Variants in SLC24A2 observed in about 807,000 individuals in gnomAD.
SLC24A2 encodes the protein sodium/potassium/calcium exchanger 2.
A neutral mutation model predicts 62.0 loss-of-function variants in SLC24A2; 36 were observed. The observed-to-expected ratio is 0.58, with a 90% CI of 0.44 to 0.77. The LOEUF is 0.77. Ranked by LOEUF, SLC24A2 falls within the 30% of genes least tolerant of loss-of-function variation. The pLI is 0.00. For synonymous variants in SLC24A2, 358 were observed against 294.0 expected (o/e 1.22, Z -2.23); for missense variants, 846 against 817.9 (o/e 1.03, Z -0.42).
At chr9:19,823,925 G>T in the SLC24A2 span, among the ~76,000 whole-genome samples, 1 of 152,158 alleles carries the variant, frequency 6.6e-6, no homozygotes, top group African/African-American at 2.4e-5. Flanking sequence ...ATGGGGAAAT[G>T]ATTCCCTATT....
intron 2 of SLC24A2, among the ~76,000 whole-genome samples, chr9:19,714,830 A>G (rs1379288534): frequency 6.6e-6 from 1 of 152,086 alleles, no homozygotes; most frequent in Non-Finnish European, 1.5e-5. Context: ...TATTAACTAT[A>G]GTCTTTATGT....
intron 2 of SLC24A2, among the ~76,000 whole-genome samples, chr9:19,684,557 G>C (rs1211469463): frequency 6.6e-6 from 1 of 152,144 alleles, no homozygotes; most frequent in African/African-American, 2.4e-5. Context: ...GGAAACCCCA[G>C]TCTATCTGAC....
Position 19,777,774 on chromosome 9 carries a change from C to T in SLC24A2, c.930+8163G>A, listed in dbSNP as rs967289730. On this transcript the variant is annotated intron_variant, in intron 2 of 10. Transcript: ENST00000341998. Reference sequence around the variant, plus strand: ...GAGAAGTTCAGAAGAATGCTATATGCGAAAATGTGCATAGTCATCTTTGGA... The same window carrying T: ...GAGAAGTTCAGAAGAATGCTATATGTGAAAATGTGCATAGTCATCTTTGGA... Among the ~76,000 whole-genome samples the T allele has an allele frequency of 4.6e-5, 7 of 151,884 alleles. No individual in the cohort carries two copies. The South Asian group carries it at 6.2e-4, about 14-fold the overall frequency.
intron 2 of SLC24A2, among the ~76,000 whole-genome samples, chr9:19,673,884 T>G (rs964850081): frequency 2.6e-5 from 4 of 152,218 alleles, no homozygotes; most frequent in Admixed American, 2.0e-4. Context: ...TATTGAGATG[T>G]GAGGTACTAT....
chr9:20,261,632 A>T, the SLC24A2 span, among the ~76,000 whole-genome samples: 2 of 151,848 alleles, frequency 1.3e-5, no homozygotes, highest in African/African-American at 2.4e-5. Context: ...TTTAAACCAC[A>T]GTACTATCAT....
chr9:19,847,948 G>A, the SLC24A2 span, among the ~76,000 whole-genome samples: 12 of 152,268 alleles, frequency 7.9e-5, no homozygotes, highest in Admixed American at 3.3e-4. Flanking sequence ...TGGCGGCAGA[G>A]GTTCATCCCA....
the SLC24A2 span, among the ~76,000 whole-genome samples, chr9:20,068,744 A>C: frequency 6.6e-6 from 1 of 152,176 alleles, no homozygotes; most frequent in Non-Finnish European, 1.5e-5. Context: ...TGTCTGCCCA[A>C]ATTAGGGCTG....
chr9:19,978,256 G>C, the SLC24A2 span, among the ~76,000 whole-genome samples: 407 of 152,224 alleles, frequency 2.7e-3, 2 homozygotes, highest in African/African-American at 9.2e-3. Context: ...TGCATCATAT[G>C]ATCATTCAAT....
the SLC24A2 span, chr9:19,895,963 A>G: frequency 6.2e-7 from 1 of 1,609,964 alleles, no homozygotes; most frequent in Non-Finnish European, 8.5e-7. Flanking sequence ...GGAGTCTTGG[A>G]GCATGTAACT....
the SLC24A2 span, among the ~76,000 whole-genome samples, chr9:19,998,768 C>T: frequency 6.6e-6 from 1 of 152,216 alleles, no homozygotes. Flanking sequence ...CTCACTCCTT[C>T]TCCCACCCCT....
At chr9:19,565,188 G>A (rs1443687370) in intron 7 of SLC24A2, among the ~76,000 whole-genome samples, 1 of 152,158 alleles carries the variant, frequency 6.6e-6, no homozygotes, top group Non-Finnish European at 1.5e-5. Flanking sequence ...GTTTGCAGAT[G>A]ACATGATGAT....
chr9:19,747,098 A>C (rs1409011035), intron 2 of SLC24A2, among the ~76,000 whole-genome samples: 1 of 152,194 alleles, frequency 6.6e-6, no homozygotes, highest in Non-Finnish European at 1.5e-5. Flanking sequence ...ACAGAATGAT[A>C]TAATAACCAA....
chr9:20,059,190 A>T, the SLC24A2 span, among the ~76,000 whole-genome samples: 1 of 152,224 alleles, frequency 6.6e-6, no homozygotes, highest in African/African-American at 2.4e-5. Context: ...TGGATTATCC[A>T]GCTTGGCGAG....
At chr9:20,189,741 G>T in the SLC24A2 span, among the ~76,000 whole-genome samples, 3 of 152,188 alleles carry the variant, frequency 2.0e-5, no homozygotes, top group Admixed American at 2.0e-4. Context: ...CACAGCTAAA[G>T]CTACTTTCTC....
chr9:19,659,831 C>T (rs1819045534), intron 2 of SLC24A2, among the ~76,000 whole-genome samples: 1 of 152,042 alleles, frequency 6.6e-6, no homozygotes, highest in Non-Finnish European at 1.5e-5. Flanking sequence ...CCACAAGGGT[C>T]AGGATTTTAA....
At chr9:20,045,937 C>T in the SLC24A2 span, among the ~76,000 whole-genome samples, 3 of 152,058 alleles carry the variant, frequency 2.0e-5, no homozygotes, top group Admixed American at 6.6e-5. Context: ...AGCCACACTC[C>T]CCACATATGG....
the SLC24A2 span, among the ~76,000 whole-genome samples, chr9:19,808,208 G>A: frequency 6.6e-6 from 1 of 152,152 alleles, no homozygotes; most frequent in African/African-American, 2.4e-5. This position sits in a 1 kb window ranked among gnomAD's most constrained non-coding sequence, Gnocchi z 4.1. Flanking sequence ...AATAAAACCA[G>A]TATGGTAGTG....
At chr9:19,574,825 T>A (rs773649233) in intron 6 of SLC24A2, among the ~76,000 whole-genome samples, 2 of 152,146 alleles carry the variant, frequency 1.3e-5, no homozygotes, top group East Asian at 3.9e-4. Flanking sequence ...AAGCACACAC[T>A]CTGGCTGTTT....
the SLC24A2 span, among the ~76,000 whole-genome samples, chr9:20,156,415 A>T: frequency 4.6e-5 from 7 of 151,674 alleles, no homozygotes; most frequent in African/African-American, 1.5e-4. Flanking sequence ...AATCTATGAA[A>T]TGACCCAGAA....
Sources: gnomAD v4.1 joint callset for allele counts (sites outside exome capture counted in the v4.1 genomes callset) on GRCh38, gnomAD v4.1.1 for gene constraint, Gnocchi (gnomAD v3.1) non-coding constraint, MANE v1.5 for transcripts, NCBI Gene and HGNC (gene_info 2026-07-23, HGNC 2026-07-21) for gene names.